Variants in MAP3K5 observed in about 807,000 individuals in gnomAD.
MAP3K5 encodes the protein ASK-1.
MAP3K5 carries 56 observed loss-of-function variants against 158.7 expected under a neutral mutation model. That is an observed-to-expected ratio of 0.35 (90% CI 0.28 to 0.44). The LOEUF is 0.44. Among genes scored for constraint, MAP3K5 ranks in the 20% least tolerant of loss-of-function variants. The pLI is 1.00. For missense variants in MAP3K5, 1,294 were observed against 1,674.8 expected, an observed-to-expected ratio of 0.77 and a Z score of 3.97; for synonymous variants, 579 against 601.7, an observed-to-expected ratio of 0.96 and a Z score of 0.55.
chr6:136,672,807 T>G (rs918897595), intron 7 of MAP3K5, among the ~76,000 whole-genome samples: 1 of 151,836 alleles, frequency 6.6e-6, no homozygotes, highest in African/African-American at 2.4e-5. Context: ...CTGGCCAACA[T>G]GGTGAAATCC....
At chr6:136,638,137 A>G (rs922345763) in intron 13 of MAP3K5, among the ~76,000 whole-genome samples, 3 of 152,162 alleles carry the variant, frequency 2.0e-5, no homozygotes, top group Non-Finnish European at 4.4e-5. Context: ...GCCTGATTGG[A>G]ATAACAGTTT....
chr6:136,561,020 CAAG>C (rs1830487829), intron 28 of MAP3K5, among the ~76,000 whole-genome samples: 1 of 147,356 alleles, frequency 6.8e-6, no homozygotes, highest in Non-Finnish European at 1.5e-5. Flanking sequence ...GAATTAGAAA[CAAG>C]AAATTTTTTC....
Position 136,694,196 on chromosome 6 carries a change from A to T in MAP3K5, c.1197T>A (p.Asp399Glu). Residue 399 changes from aspartate to glutamate, a missense_variant, in exon 7 of 30, where the codon GAT becomes GAA. Transcript: ENST00000359015. ...CCGTGAAATTAGAGTCCAAAAACATATCTTTGTAGATTCGACCAACTAGGC... is the reference window on the plus strand; with the variant it reads ...CCGTGAAATTAGAGTCCAAAAACATTTCTTTGTAGATTCGACCAACTAGGC... ...MYCLVGRIYKDMFLDSNFTDT... is the reference protein window; with the variant it reads ...MYCLVGRIYKEMFLDSNFTDT... The T allele has an allele frequency of 6.2e-7, 1 of 1,613,852 alleles. No individual in the cohort carries two copies.
intron 7 of MAP3K5, among the ~76,000 whole-genome samples, chr6:136,669,840 T>C (rs1779399929): frequency 6.6e-6 from 1 of 152,072 alleles, no homozygotes; most frequent in Admixed American, 6.6e-5. Context: ...AAAACTAGTG[T>C]TTCCAAGTAA....
At chr6:136,758,322 T>G (rs542550857) in intron 1 of MAP3K5, among the ~76,000 whole-genome samples, 1 of 152,262 alleles carries the variant, frequency 6.6e-6, no homozygotes, top group Non-Finnish European at 1.5e-5. Flanking sequence ...TTATTTTGAC[T>G]AATTTTTATC....
intron 2 of MAP3K5, among the ~76,000 whole-genome samples, chr6:136,720,211 C>G (rs1021076971): frequency 2.6e-5 from 4 of 152,122 alleles, no homozygotes; most frequent in African/African-American, 9.7e-5. Context: ...AACACAGTCT[C>G]CTCCGCTACA....
chr6:136,726,125 T>C (rs904694364), intron 1 of MAP3K5, among the ~76,000 whole-genome samples: 7 of 152,254 alleles, frequency 4.6e-5, no homozygotes, highest in African/African-American at 7.2e-5. Flanking sequence ...TATTCTGTTT[T>C]CAAATTTGTT....
intron 1 of MAP3K5, among the ~76,000 whole-genome samples, chr6:136,758,225 T>C (rs1240722714): frequency 6.6e-6 from 1 of 152,194 alleles, no homozygotes; most frequent in East Asian, 1.9e-4. Context: ...AAAAGTAATC[T>C]TCTTTGCCCT....
At chr6:136,711,461 T>C (rs949767596) in intron 2 of MAP3K5, among the ~76,000 whole-genome samples, 1 of 151,960 alleles carries the variant, frequency 6.6e-6, no homozygotes, top group Non-Finnish European at 1.5e-5. Flanking sequence ...GCCCAGGAGT[T>C]TGAGACCAGC....
At position 136,639,500 on chromosome 6, in the gene MAP3K5, C is replaced by A. The variant is rs1364306449; in HGVS notation, c.1934+43G>T. ...TCACTCATTACTTGAAAATAATGAT[C>A]AGGTAAGAAGAATCTTTTTCACACA... On this transcript the variant is annotated intron_variant, in intron 13 of 29. Transcript: ENST00000359015. The A allele has an allele frequency of 2.8e-6, 3 of 1,056,822 alleles. No homozygotes were observed. The Admixed American group carries it at 7.1e-5, about 25-fold the overall frequency. 65.5% of individuals were successfully genotyped at this position (1,056,822 alleles called of 1,614,324 possible).
chr6:136,627,524 T>A (rs942838944), intron 14 of MAP3K5, among the ~76,000 whole-genome samples: 6 of 152,156 alleles, frequency 3.9e-5, no homozygotes, highest in Admixed American at 2.6e-4. Flanking sequence ...GCCCTCAAAA[T>A]CTGTATGTTG....
At chr6:136,733,626 C>CA (rs112158831) in intron 1 of MAP3K5, among the ~76,000 whole-genome samples, 5,165 of 151,618 alleles carry the variant, frequency 0.034, 282 homozygotes, top group African/African-American at 0.12. Context: ...AAAAAACAAA[C>CA]AAAAAAAACC....
chr6:136,634,711 C>A (rs557639256), intron 14 of MAP3K5, among the ~76,000 whole-genome samples: 1 of 151,686 alleles, frequency 6.6e-6, no homozygotes, highest in Admixed American at 6.6e-5. Context: ...TCCTGAGTAG[C>A]TGGGACTACA....
chr6:136,782,211 T>TA (rs1240931529), intron 1 of MAP3K5, among the ~76,000 whole-genome samples: 1 of 150,536 alleles, frequency 6.6e-6, no homozygotes, highest in African/African-American at 2.5e-5. Flanking sequence ...ATCCAGGAGT[T>TA]AGAGACTGCA....
intron 29 of MAP3K5, among the ~76,000 whole-genome samples, chr6:136,558,105 G>A (rs1256607198): frequency 7.2e-5 from 11 of 152,172 alleles, no homozygotes; most frequent in Middle Eastern, 3.2e-3. Context: ...TGGGCTGGGC[G>A]CGGTGGCGCA....
At chr6:136,557,839 A>G (rs1830318257) in intron 29 of MAP3K5, 21 bp from the exon 30 acceptor site, 1 of 1,542,636 alleles carries the variant, frequency 6.5e-7, no homozygotes, top group Non-Finnish European at 9.0e-7. Context: ...ACACAAGAAC[A>G]TGGTGAAACG....
chr6:136,783,150 C>T (rs1431083178), intron 1 of MAP3K5, among the ~76,000 whole-genome samples: 1 of 151,876 alleles, frequency 6.6e-6, no homozygotes, highest in African/African-American at 2.4e-5. Context: ...CATAAAAATA[C>T]AAAAATTGGC....
At chr6:136,744,887 G>A (rs1480280863) in intron 1 of MAP3K5, among the ~76,000 whole-genome samples, 1 of 152,144 alleles carries the variant, frequency 6.6e-6, no homozygotes, top group African/African-American at 2.4e-5. Context: ...ATAAGACTAA[G>A]AACCACAGAT....
intron 2 of MAP3K5, among the ~76,000 whole-genome samples, chr6:136,708,171 G>T (rs1781155569): frequency 6.6e-6 from 1 of 152,156 alleles, no homozygotes; most frequent in African/African-American, 2.4e-5. Context: ...GCAAGTGAAT[G>T]TATTACCTTA....
Sources: allele counts gnomAD v4.1 joint callset (sites outside exome capture counted in the v4.1 genomes callset), GRCh38; gene constraint gnomAD v4.1.1; transcripts MANE v1.5; gene names NCBI Gene and HGNC (gene_info 2026-07-23, HGNC 2026-07-21).